The following TEX101 variants were observed in gnomAD, a reference collection of about 807,000 sequenced individuals.
TEX101 encodes testis expressed 101, also known as testis-expressed protein 101.
TEX101 carries 10 observed loss-of-function variants against 18.1 expected under a neutral mutation model. The ratio of observed to expected loss-of-function variants is 0.55; its 90% CI spans 0.34 to 0.94. TEX101 has a LOEUF of 0.94. TEX101 is among the 40% of genes least tolerant of loss of function. The pLI, the probability that TEX101 is intolerant of heterozygous loss-of-function variation, is 0.02. For synonymous variants in TEX101, 94 were observed against 114.8 expected, an observed-to-expected ratio of 0.82 and a Z score of 1.16; for missense variants, 259 against 298.9, an observed-to-expected ratio of 0.87 and a Z score of 0.98.
chr19:43,411,233 C>T (rs935999616), upstream of TEX101, among the ~76,000 whole-genome samples: 2 of 152,118 alleles, frequency 1.3e-5, no homozygotes, highest in South Asian at 2.1e-4. Context: ...CGCACCACCA[C>T]GCCCAGCTAA....
intron 3 of TEX101, among the ~76,000 whole-genome samples, chr19:43,409,715 G>T (rs8182567): frequency 0.19 from 28,186 of 151,976 alleles, 3,658 homozygotes; most frequent in East Asian, 0.58. Flanking sequence ...GTTGCAGTGA[G>T]CCAAGATTGC....
chr19:43,388,885 G>C, the TEX101 span, among the ~76,000 whole-genome samples: 1 of 152,006 alleles, frequency 6.6e-6, no homozygotes, highest in South Asian at 2.1e-4. Flanking sequence ...TATTTTTCCA[G>C]CAACCCCCAC....
chr19:43,410,200 A>C (rs1425371823), upstream of TEX101, among the ~76,000 whole-genome samples: 2 of 152,174 alleles, frequency 1.3e-5, no homozygotes, highest in Non-Finnish European at 2.9e-5. Context: ...GGAGAACTGG[A>C]GCACTCAAAA....
At chr19:43,401,312 A>T (rs1221100870), upstream of TEX101, among the ~76,000 whole-genome samples, 3 of 152,250 alleles carry the variant, frequency 2.0e-5, no homozygotes, top group Non-Finnish European at 4.4e-5. Context: ...ATAGACACAC[A>T]AACACATTAA....
At chr19:43,395,841 C>T in the TEX101 span, among the ~76,000 whole-genome samples, 3 of 152,250 alleles carry the variant, frequency 2.0e-5, no homozygotes, top group East Asian at 5.8e-4. Flanking sequence ...CATCTGCTAG[C>T]TCAGCTGGTC....
chr19:43,397,663 A>G (rs2122309518), upstream of TEX101, among the ~76,000 whole-genome samples: 1 of 149,586 alleles, frequency 6.7e-6, no homozygotes, highest in African/African-American at 2.5e-5. Context: ...CCCCAGAATG[A>G]CTAGCCCACA....
chr19:43,408,145 G>T (rs1299588547), intron 3 of TEX101, among the ~76,000 whole-genome samples: 1 of 152,236 alleles, frequency 6.6e-6, no homozygotes, highest in African/African-American at 2.4e-5. Context: ...GCCTGCCCGA[G>T]CCCGCAATGC....
At chr19:43,406,258 C>T (rs1970361869) in exon 3 of TEX101, 1 of 498,352 alleles carries the variant, frequency 2.0e-6, no homozygotes, top group African/African-American at 2.0e-5. Flanking sequence ...TTCAATGAAG[C>T]CCGGATCAAG....
At chr19:43,402,384 T>C (rs1199810547) in intron 1 of TEX101, among the ~76,000 whole-genome samples, 1 of 152,146 alleles carries the variant, frequency 6.6e-6, no homozygotes, top group East Asian at 1.9e-4. Context: ...AATCAAGATG[T>C]CTAATGGCAC....
chr19:43,407,541 T>A (rs1970378355), intron 3 of TEX101, among the ~76,000 whole-genome samples: 1 of 151,734 alleles, frequency 6.6e-6, no homozygotes, highest in South Asian at 2.1e-4. Context: ...GGAGCTGGGA[T>A]TAGACCATGT....
At chr19:43,408,404 G>A (rs1014554373) in intron 3 of TEX101, among the ~76,000 whole-genome samples, 16 of 152,176 alleles carry the variant, frequency 1.1e-4, no homozygotes, top group African/African-American at 3.4e-4. Flanking sequence ...CGGTGGCGGC[G>A]GCCTCGCCTG....
At chr19:43,404,069 G>GTT (rs33928385) in intron 2 of TEX101, among the ~76,000 whole-genome samples, 27,261 of 102,926 alleles carry the variant, frequency 0.26, 3,640 homozygotes, top group East Asian at 0.64. Flanking sequence ...AAGTGTGTGG[G>GTT]TTTTTTTTTT....
chr19:43,401,182 T>TA (rs1970314989), upstream of TEX101, among the ~76,000 whole-genome samples: 1 of 152,142 alleles, frequency 6.6e-6, no homozygotes, highest in Non-Finnish European at 1.5e-5. Flanking sequence ...TCCACCTAAA[T>TA]AAAAAAATTC....
Position 43,417,923 on chromosome 19 carries a change from T to G in TEX101, c.437T>G (p.Leu146Trp), listed in dbSNP as rs780907262. The G allele has an allele frequency of 6.8e-6, 11 of 1,614,208 alleles. No individual in the cohort carries two copies. Among genetic ancestry groups the G allele is most frequent in the Admixed American group, 5.0e-5 (3 of 60,016 alleles). The change falls in exon 5 of 6, where the codon TTG (leucine) becomes TGG (tryptophan). Residue 146 changes from leucine to tryptophan, a missense_variant. Transcript: ENST00000598265. ...TTLHCPTCVA[L>W]GTCFSAPSLP... ...CTCCATTGTCCAACCTGTGTGGCTT[T>G]GGGGACCTGTTTCAGTGCTCCTTCT...
At chr19:43,411,305 G>A (rs1417866447), upstream of TEX101, among the ~76,000 whole-genome samples, 4 of 152,104 alleles carry the variant, frequency 2.6e-5, no homozygotes, top group Non-Finnish European at 4.4e-5. Context: ...TCGAACTCCT[G>A]ATCTCAGGTG....
At chr19:43,393,103 G>GGAAA in the TEX101 span, among the ~76,000 whole-genome samples, 201 of 144,392 alleles carry the variant, frequency 1.4e-3, 1 homozygote, top group East Asian at 7.1e-3. Flanking sequence ...AAGGAAGGAA[G>GGAAA]GAAAGAAAGA....
At chr19:43,402,475 G>A (rs1156567664) in intron 1 of TEX101, among the ~76,000 whole-genome samples, 2 of 152,174 alleles carry the variant, frequency 1.3e-5, no homozygotes, top group East Asian at 1.9e-4. Context: ...CTTTTGTGCT[G>A]AAAGTCAACT....
At chr19:43,414,757 A>T (rs1599902856), upstream of TEX101, 8 of 838,682 alleles carry the variant, frequency 9.5e-6, no homozygotes, top group African/African-American at 1.1e-4. Context: ...CGAGATTGCC[A>T]GGAATTGACT....
chr19:43,406,363 T>C (rs546539340), exon 3 of TEX101: 24 of 665,442 alleles, frequency 3.6e-5, no homozygotes, highest in Admixed American at 9.6e-5. Context: ...CGTCCCTACA[T>C]AGCATCCAGC....
Sources: gnomAD v4.1 joint callset for allele counts (sites outside exome capture counted in the v4.1 genomes callset) on GRCh38, gnomAD v4.1.1 for gene constraint, MANE v1.5 for transcripts, NCBI Gene and HGNC (gene_info 2026-07-23, HGNC 2026-07-21) for gene names.